ABHD5: variants seen among roughly 807,000 people sequenced by gnomAD.
ABHD5 encodes the protein 1-acylglycerol-3-phosphate O-acyltransferase ABHD5.
A neutral mutation model predicts 44.9 loss-of-function variants in ABHD5; 30 were observed. That is an observed-to-expected ratio of 0.67 (90% CI 0.50 to 0.91). ABHD5 has a LOEUF of 0.91. Among genes scored for constraint, ABHD5 ranks in the 40% least tolerant of loss-of-function variants. The pLI is 0.00. For synonymous variants in ABHD5, 167 were observed against 147.0 expected (o/e 1.14, Z -0.99); for missense variants, 399 against 423.4 (o/e 0.94, Z 0.50).
At chr3:43,692,837 C>A (rs2084415799) in intron 1 of ABHD5, among the ~76,000 whole-genome samples, 1 of 152,162 alleles carries the variant, frequency 6.6e-6, no homozygotes, top group South Asian at 2.1e-4. Flanking sequence ...AATTGGGACT[C>A]ATGTGGGATG....
intron 3 of ABHD5, among the ~76,000 whole-genome samples, chr3:43,703,885 AC>A (rs1304476598): frequency 6.6e-6 from 1 of 152,052 alleles, no homozygotes; most frequent in African/African-American, 2.4e-5. Flanking sequence ...CTTTATCTAA[AC>A]TTTAGCATTT....
exon 8 of ABHD5, chr3:43,734,078 C>G (rs924007894): frequency 2.0e-5 from 3 of 152,326 alleles, no homozygotes; most frequent in Non-Finnish European, 4.4e-5. Context: ...TGAATGGATG[C>G]TGTCAGTAGA....
In ABHD5 at chr3:43,730,486, T is replaced by C. The variant is rs116047453; in HGVS notation, c.*30-3394T>C. Among the ~76,000 whole-genome samples, 631 of 145,790 alleles carry C rather than the reference T, an allele frequency of 4.3e-3. 3 individuals are homozygous for C. The highest frequency in any genetic ancestry group is 0.015 in the African/African-American group (604 of 39,814). ...TTTTCTTTTTTGTTTTAATGGAGAATAGAAAATAATCCCTTTTTTTTTTTT... is the reference window on the plus strand; with the variant it reads ...TTTTCTTTTTTGTTTTAATGGAGAACAGAAAATAATCCCTTTTTTTTTTTT... On this transcript the variant is annotated intron_variant, in intron 7 of 7. Transcript: ENST00000454293.
downstream of ABHD5, among the ~76,000 whole-genome samples, chr3:43,725,849 T>G (rs780954942): frequency 7.4e-5 from 8 of 107,448 alleles, no homozygotes; most frequent in East Asian, 5.3e-4. Context: ...TGTTTCCTAG[T>G]TTTTTTTTTT....
chr3:43,701,627 T>A (rs2084542912), intron 2 of ABHD5, among the ~76,000 whole-genome samples: 1 of 152,242 alleles, frequency 6.6e-6, no homozygotes, highest in Admixed American at 6.5e-5. Context: ...CCAAGTTACC[T>A]GGTGTGTCAT....
chr3:43,718,324 C>T (rs922298597), intron 6 of ABHD5, 119 bp from the exon 7 acceptor site: 45 of 826,532 alleles, frequency 5.4e-5, no homozygotes, highest in Non-Finnish European at 9.4e-5. Flanking sequence ...TTTTTAATCA[C>T]GTGTTTTATT....
chr3:43,706,027 A>G (rs1271671026), intron 3 of ABHD5, among the ~76,000 whole-genome samples: 1 of 152,178 alleles, frequency 6.6e-6, no homozygotes, highest in Non-Finnish European at 1.5e-5. Flanking sequence ...AGTGTTCACC[A>G]TTATAGCAAA....
chr3:43,691,100 GTTAGGGCCCAGCGGGC>G, intron 1 of ABHD5, 61 bp downstream of exon 1: 1 of 1,469,740 alleles, frequency 6.8e-7, no homozygotes, highest in Non-Finnish European at 9.0e-7. Flanking sequence ...CGCGGGCCGG[GTTAGGGCCCAGCGGGC>G]AGCACCAAGG....
At chr3:43,697,656 A>T (rs955055409) in intron 1 of ABHD5, among the ~76,000 whole-genome samples, 1 of 152,192 alleles carries the variant, frequency 6.6e-6, no homozygotes, top group African/African-American at 2.4e-5. Flanking sequence ...AATCATATGA[A>T]ATTTTGAGAG....
At chr3:43,703,489 A>G (rs1158946821) in intron 3 of ABHD5, among the ~76,000 whole-genome samples, 1 of 152,032 alleles carries the variant, frequency 6.6e-6, no homozygotes, top group African/African-American at 2.4e-5. Flanking sequence ...CCTTTACGTT[A>G]TTTTTAAATG....
At chr3:43,717,980 T>A in intron 6 of ABHD5, 123 bp downstream of exon 6, 1 of 1,280,770 alleles carries the variant, frequency 7.8e-7, no homozygotes, top group Non-Finnish European at 1.1e-6. Context: ...GCAGCCTCAG[T>A]CGGGGACGTG....
intron 3 of ABHD5, among the ~76,000 whole-genome samples, chr3:43,704,735 TA>T (rs1307282183): frequency 6.6e-6 from 1 of 152,232 alleles, no homozygotes; most frequent in East Asian, 1.9e-4. Flanking sequence ...AAAAGGTATC[TA>T]AAAACAAAGC....
chr3:43,716,826 T>G (rs2084768910), intron 5 of ABHD5, among the ~76,000 whole-genome samples: 1 of 152,194 alleles, frequency 6.6e-6, no homozygotes, highest in Admixed American at 6.5e-5. Flanking sequence ...TTGATTGTAG[T>G]GAGACTTGAA....
intron 4 of ABHD5, 81 bp from the exon 5 acceptor site, chr3:43,714,866 G>A (rs973978947): frequency 5.4e-5 from 51 of 944,788 alleles, no homozygotes; most frequent in Non-Finnish European, 8.4e-5. Context: ...ACACAGACAA[G>A]CACTAAAACT....
intron 1 of ABHD5, among the ~76,000 whole-genome samples, 156 bp from the exon 2 acceptor site, chr3:43,699,120 C>T (rs570932843): frequency 1.3e-5 from 2 of 152,190 alleles, no homozygotes; most frequent in Non-Finnish European, 2.9e-5. Context: ...TACTTACCAC[C>T]ATGCTTTGTG....
Position 43,711,754 on chromosome 3 carries a change from A to T in ABHD5, c.552A>T (p.Arg184=). ...ILVEPWGFPE[R]PDLADQDRPI... is the part of the protein sequence containing the mutation. ...TGGAGCCTTGGGGTTTCCCTGAACG[A>T]CCAGACCTTGCTGATCAAGACAGAC... Residue 184 remains arginine (R), a synonymous_variant, in exon 4 of 7, where the codon CGA becomes CGT. Transcript: ENST00000644371. 6.2e-7 allele frequency: 1 copy of T among 1,614,186 alleles called. No individual in the cohort carries two copies. Among genetic ancestry groups the T allele is most frequent in the Middle Eastern group, 1.6e-4 (1 of 6,062 alleles).
intron 2 of ABHD5, among the ~76,000 whole-genome samples, chr3:43,700,740 A>ATTTTT (rs1361660825): frequency 3.3e-5 from 5 of 151,240 alleles, no homozygotes; most frequent in South Asian, 4.2e-4. Flanking sequence ...TACCCAGCTA[A>ATTTTT]TTTTTGTATT....
Position 43,721,839 on chromosome 3 carries a change from A to C in ABHD5, c.*3307A>C, listed in dbSNP as rs2084840436. Reference sequence around the variant, plus strand: ...GATGTGAACAGACAGTTAACAGAAAATAGAATGCAAATGGTCTTTAAACAT... The same window carrying C: ...GATGTGAACAGACAGTTAACAGAAACTAGAATGCAAATGGTCTTTAAACAT... On this transcript the variant is annotated 3_prime_UTR_variant, in exon 7 of 7. Transcript: ENST00000644371. 1 of 152,368 alleles carries C rather than the reference A, an allele frequency of 6.6e-6. No individual in the cohort carries two copies. The highest frequency in any genetic ancestry group is 2.4e-5 in the African/African-American group (1 of 41,578). 9.4% of individuals were successfully genotyped at this position (152,368 alleles called of 1,614,324 possible). A position where few individuals can be genotyped will look rare whatever the true frequency, so the allele number is the denominator to read the frequency against.
At chr3:43,704,278 A>T (rs113156458) in intron 3 of ABHD5, among the ~76,000 whole-genome samples, 3,289 of 152,096 alleles carry the variant, frequency 0.022, 68 homozygotes, top group African/African-American at 0.053. Flanking sequence ...ACCTCAGGAG[A>T]TCCGCCTGCC....
Sources: gnomAD v4.1 joint callset for allele counts (sites outside exome capture counted in the v4.1 genomes callset) on GRCh38, gnomAD v4.1.1 for gene constraint, MANE v1.5 for transcripts, NCBI Gene and HGNC (gene_info 2026-07-23, HGNC 2026-07-21) for gene names.